OLFML2A: variants seen among roughly 807,000 people sequenced by gnomAD.
The protein encoded by OLFML2A is olfactomedin like 2A.
In OLFML2A, 47 loss-of-function variants were observed where a neutral mutation model predicts 60.9. The ratio of observed to expected loss-of-function variants is 0.77; its 90% CI spans 0.61 to 0.98. The LOEUF is 0.98. OLFML2A is among the 50% of genes least tolerant of loss of function. OLFML2A has a pLI of 0.00. For synonymous variants in OLFML2A, 372 were observed against 375.0 expected, an observed-to-expected ratio of 0.99 and a Z score of 0.09; for missense variants, 922 against 879.8, an observed-to-expected ratio of 1.05 and a Z score of -0.61.
chr9:124,810,518 G>C lies in OLFML2A; in HGVS notation c.*106G>C. ...CAAATATTTATTGGGGGCCAGCCCA[G>C]GGCTGGGACTGGGCATGAGGTGGTC... On this transcript the variant is annotated 3_prime_UTR_variant, in exon 8 of 8. Transcript: ENST00000373580. 8.3e-7 allele frequency: 1 copy of C among 1,201,530 alleles called. No individual in the cohort carries two copies. Among genetic ancestry groups the C allele is most frequent in the Non-Finnish European group, 1.1e-6 (1 of 879,542 alleles). The allele number at this position is 1,201,530 out of a possible 1,614,324, so 74.4% of individuals were successfully genotyped here.
At chr9:124,790,328 C>A (rs1841548245) in intron 2 of OLFML2A, among the ~76,000 whole-genome samples, 1 of 152,088 alleles carries the variant, frequency 6.6e-6, no homozygotes, top group Admixed American at 6.5e-5. Flanking sequence ...CGCCACCATG[C>A]CCGGCTCATT....
chr9:124,786,613 C>G (rs1481085353), intron 1 of OLFML2A, among the ~76,000 whole-genome samples: 6 of 148,730 alleles, frequency 4.0e-5, no homozygotes, highest in Non-Finnish European at 7.4e-5. Context: ...CCCAGCTACT[C>G]GGGAGGCTGA....
rs912559769 is a variant in OLFML2A, at chr9:124,814,559, A to C, written c.*4147A>C. The C allele has an allele frequency of 2.0e-5, 3 of 152,194 alleles. No homozygotes were observed. The highest frequency in any genetic ancestry group is 4.4e-5 in the Non-Finnish European group (3 of 68,044). The allele number at this position is 152,194 out of a possible 1,614,324, so 9.4% of individuals were successfully genotyped here. On this transcript the variant is annotated 3_prime_UTR_variant, in exon 8 of 8. Transcript: ENST00000373580. ...ACCTGCTCAGGGTCACGTCTCCAACAGGCAGTAGAGTCAAGGTATAAACCA... is the reference window on the plus strand; with the variant it reads ...ACCTGCTCAGGGTCACGTCTCCAACCGGCAGTAGAGTCAAGGTATAAACCA...
Position 124,804,148 on chromosome 9 carries a change from G to T in OLFML2A, c.974G>T (p.Gly325Val). The T allele has an allele frequency of 6.2e-7, 1 of 1,614,136 alleles. No homozygotes were observed. The part of the protein sequence containing the change: ...WLEQLPPKVE[G>V]RSNSAEPNSA... ...GAGCAACTGCCGCCCAAGGTGGAGG[G>T]CAGGTCCAACTCCGCAGAGCCCAAC... The change falls in exon 6 of 8, where the codon GGC becomes GTC. Residue 325 changes from glycine (G) to valine (V), a missense_variant. Physicochemically the swap from Gly to Val is moderately radical, Grantham distance 109. Coordinates refer to ENST00000373580, the MANE Select transcript of OLFML2A (RefSeq NM_182487.4).
At chr9:124,809,479 G>C (rs942158941) in intron 7 of OLFML2A, among the ~76,000 whole-genome samples, 5 of 152,080 alleles carry the variant, frequency 3.3e-5, no homozygotes, top group African/African-American at 1.2e-4. Context: ...CTGGGGAATG[G>C]CAGTCCTAAC....
At chr9:124,803,895 G>A (rs1588887983) in intron 5 of OLFML2A, among the ~76,000 whole-genome samples, 199 bp from the exon 6 acceptor site, 1 of 152,294 alleles carries the variant, frequency 6.6e-6, no homozygotes, top group East Asian at 1.9e-4. Context: ...ACCTGGCTGG[G>A]TTTAGAGCCC....
In OLFML2A at chr9:124,811,361, T is replaced by C. The variant is rs1427256070; in HGVS notation, c.*949T>C. 2 of 152,840 alleles carry C rather than the reference T, an allele frequency of 1.3e-5. No homozygotes were observed. Among genetic ancestry groups the C allele is most frequent in the Non-Finnish European group, 2.9e-5 (2 of 68,204 alleles). The allele number at this position is 152,840 out of a possible 1,614,324, so 9.5% of individuals were successfully genotyped here. A position where few individuals can be genotyped will look rare whatever the true frequency, so the allele number is the denominator to read the frequency against. On this transcript the variant is annotated 3_prime_UTR_variant, in exon 8 of 8. Coordinates refer to ENST00000373580, the MANE Select transcript of OLFML2A (RefSeq NM_182487.4). ...GAGCCTTTGGGCCTGGAGTCCGCCT[T>C]GTCCTTTTTCTCTGGGCTTTCAAAC...
At chr9:124,792,881 A>G (rs1008873844) in intron 2 of OLFML2A, among the ~76,000 whole-genome samples, 7 of 151,544 alleles carry the variant, frequency 4.6e-5, no homozygotes, top group Non-Finnish European at 8.8e-5. Context: ...TATGCGCATG[A>G]TTCTCAAATT....
chr9:124,787,596 G>A (rs1301980396), intron 2 of OLFML2A, among the ~76,000 whole-genome samples: 2 of 130,644 alleles, frequency 1.5e-5, no homozygotes, highest in East Asian at 5.1e-4. Context: ...GTCTCGCTCT[G>A]TCACCCAGGC....
chr9:124,783,054 G>A (rs569180498), intron 1 of OLFML2A, among the ~76,000 whole-genome samples: 13 of 152,018 alleles, frequency 8.6e-5, no homozygotes, highest in Non-Finnish European at 1.6e-4. Flanking sequence ...GTGTTCACAG[G>A]CAGAGAAGAA....
chr9:124,790,741 G>A (rs1284072770), intron 2 of OLFML2A, among the ~76,000 whole-genome samples: 1 of 152,090 alleles, frequency 6.6e-6, no homozygotes, highest in African/African-American at 2.4e-5. Flanking sequence ...GGCAGAGGCA[G>A]TAGGAGACAG....
intron 5 of OLFML2A, among the ~76,000 whole-genome samples, chr9:124,803,599 T>A (rs1841825321): frequency 2.6e-5 from 4 of 152,314 alleles, no homozygotes; most frequent in Admixed American, 2.6e-4. Flanking sequence ...TCTCATTTGA[T>A]TCTGGCAGCA....
intron 4 of OLFML2A, among the ~76,000 whole-genome samples, chr9:124,800,655 A>G (rs989531339): frequency 6.6e-6 from 1 of 152,256 alleles, no homozygotes; most frequent in Non-Finnish European, 1.5e-5. Context: ...CTTGGCCCCC[A>G]GCTGGCTTCC....
rs1841965241 is a variant in OLFML2A at position 124,809,761 on chromosome 9, C to A, written c.1355-47C>A. ...GGTGGGCTCAGGGGATGTGGGTGGG[C>A]TGGGGTTGCTCGGGAGGTCTGGGGT... On this transcript the variant is annotated intron_variant, in intron 7 of 7. Coordinates refer to ENST00000373580, the MANE Select transcript of OLFML2A (RefSeq NM_182487.4). 3.9e-6 allele frequency: 6 copies of A among 1,551,124 alleles called. No homozygotes were observed. In the East Asian group the frequency reaches 1.1e-4, roughly 29 times the overall value.
At chr9:124,800,340 C>G (rs750692) in intron 4 of OLFML2A, among the ~76,000 whole-genome samples, 1,604 of 152,326 alleles carry the variant, frequency 0.011, 29 homozygotes, top group African/African-American at 0.037. Context: ...AAGAAGGGAG[C>G]TGACATTTGT....
At chr9:124,785,559 G>A (rs1159008824) in intron 1 of OLFML2A, among the ~76,000 whole-genome samples, 8 of 151,586 alleles carry the variant, frequency 5.3e-5, no homozygotes, top group South Asian at 2.1e-4. Flanking sequence ...CATCACGCCC[G>A]GCTAATTTTT....
At position 124,787,148 on chromosome 9, in the gene OLFML2A, C is replaced by A; in HGVS notation, c.264C>A (p.Cys88Ter). ...TGAGCTCGGGCACTGACTGCCGCTG[C>A]TCCTGTACCGCACCTCCCTCCTCTC... is the stretch of plus-strand genomic sequence containing the variant. ...ETVSSGTDCR[C>*]SCTAPPSSLN... Residue 88 changes from cysteine (C) to a stop codon, truncating the protein, a stop_gained, in exon 2 of 8, where the codon TGC becomes TGA. Coordinates refer to ENST00000373580, the MANE Select transcript of OLFML2A (RefSeq NM_182487.4). LOFTEE classifies it high-confidence loss of function. The A allele has an allele frequency of 6.2e-7, 1 of 1,614,204 alleles. No homozygotes were observed. The highest frequency in any genetic ancestry group is 8.5e-7 in the Non-Finnish European group (1 of 1,180,020).
chr9:124,785,689 C>T (rs1364279365), intron 1 of OLFML2A, among the ~76,000 whole-genome samples: 5 of 152,112 alleles, frequency 3.3e-5, no homozygotes, highest in South Asian at 2.1e-4. Context: ...CATGAGCCAC[C>T]GCGCCCGGCC....
chr9:124,781,197 G>A (rs1841355531), intron 1 of OLFML2A, among the ~76,000 whole-genome samples: 1 of 152,210 alleles, frequency 6.6e-6, no homozygotes, highest in East Asian at 1.9e-4. Context: ...CTAGGGCTAT[G>A]GCTGTGGAGT....
Sources: allele counts gnomAD v4.1 joint callset (sites outside exome capture counted in the v4.1 genomes callset), GRCh38; gene constraint gnomAD v4.1.1; transcripts MANE v1.5; gene names NCBI Gene and HGNC (gene_info 2026-07-23, HGNC 2026-07-21).